HEMK2: variants seen among roughly 807,000 people sequenced by gnomAD.
HEMK2 encodes methyltransferase HEMK2.
the HEMK2 span, among the ~76,000 whole-genome samples, chr21:28,764,827 A>G: frequency 6.6e-6 from 1 of 152,166 alleles, no homozygotes; most frequent in African/African-American, 2.4e-5. Flanking sequence ...TCATAAATGT[A>G]TAATGACAGC....
chr21:28,583,766 T>C, the HEMK2 span, among the ~76,000 whole-genome samples: 1 of 152,212 alleles, frequency 6.6e-6, no homozygotes, highest in Non-Finnish European at 1.5e-5. Context: ...TTTCCCATTG[T>C]TATCATAAAC....
chr21:28,599,452 T>C, the HEMK2 span, among the ~76,000 whole-genome samples: 105 of 152,246 alleles, frequency 6.9e-4, no homozygotes, highest in South Asian at 1.7e-3. Context: ...ATCACTACCA[T>C]GAGAATAGTA....
the HEMK2 span, among the ~76,000 whole-genome samples, chr21:28,855,140 G>A: frequency 2.0e-5 from 3 of 152,024 alleles, no homozygotes; most frequent in African/African-American, 4.8e-5. Flanking sequence ...AATGACACCT[G>A]TAGGCTCAAA....
the HEMK2 span, among the ~76,000 whole-genome samples, chr21:28,807,212 G>A: frequency 0.089 from 13,472 of 152,134 alleles, 883 homozygotes; most frequent in East Asian, 0.3. Flanking sequence ...ACCAAAGCAG[G>A]ACTTTGAATT....
chr21:28,688,790 C>T, the HEMK2 span, among the ~76,000 whole-genome samples: 1 of 151,798 alleles, frequency 6.6e-6, no homozygotes, highest in Non-Finnish European at 1.5e-5. Flanking sequence ...TATAATATGC[C>T]CATATAAACA....
the HEMK2 span, among the ~76,000 whole-genome samples, chr21:28,864,866 GATGGATGATAGGTAGAT>G: frequency 3.4e-5 from 4 of 116,488 alleles, no homozygotes; most frequent in African/African-American, 1.3e-4. Flanking sequence ...TAGATAGATA[GATGGATGATAGGTAGAT>G]ATAGATGATA....
the HEMK2 span, among the ~76,000 whole-genome samples, chr21:28,643,495 T>G: frequency 6.6e-6 from 1 of 151,944 alleles, no homozygotes; most frequent in Non-Finnish European, 1.5e-5. Flanking sequence ...CTGGGCAACA[T>G]AGAAAGACCC....
At chr21:28,627,983 AACC>A in the HEMK2 span, among the ~76,000 whole-genome samples, 250 of 152,262 alleles carry the variant, frequency 1.6e-3, 1 homozygote, top group South Asian at 0.01. Flanking sequence ...AGGGTATTTA[AACC>A]CCAGAAAATT....
the HEMK2 span, among the ~76,000 whole-genome samples, chr21:28,700,574 C>T: frequency 0.026 from 3,921 of 152,190 alleles, 64 homozygotes; most frequent in Non-Finnish European, 0.04. Context: ...CCTGGAAATG[C>T]AACCTTCCAA....
chr21:28,880,759 A>G, the HEMK2 span, among the ~76,000 whole-genome samples: 2 of 149,988 alleles, frequency 1.3e-5, no homozygotes, highest in African/African-American at 5.0e-5. Context: ...AAAAAGAAAG[A>G]AAGAAATTTT....
At chr21:28,627,861 G>T in the HEMK2 span, among the ~76,000 whole-genome samples, 1 of 152,162 alleles carries the variant, frequency 6.6e-6, no homozygotes, top group Admixed American at 6.5e-5. Flanking sequence ...CAACCAATCA[G>T]ACATTTGCAT....
chr21:28,698,314 C>T, the HEMK2 span, among the ~76,000 whole-genome samples: 1 of 152,080 alleles, frequency 6.6e-6, no homozygotes, highest in Admixed American at 6.5e-5. Flanking sequence ...TCAATTTTCT[C>T]ATAAACTGGA....
chr21:28,685,257 T>C, the HEMK2 span, among the ~76,000 whole-genome samples: 1 of 152,208 alleles, frequency 6.6e-6, no homozygotes, highest in South Asian at 2.1e-4. Flanking sequence ...TTTAAGTCTT[T>C]TTCACTATTT....
the HEMK2 span, among the ~76,000 whole-genome samples, chr21:28,607,209 G>A: frequency 6.6e-6 from 1 of 152,142 alleles, no homozygotes; most frequent in East Asian, 1.9e-4. Flanking sequence ...TCAGGAGTTC[G>A]TGACCAGCCT....
chr21:28,694,495 C>T, the HEMK2 span, among the ~76,000 whole-genome samples: 2 of 152,138 alleles, frequency 1.3e-5, no homozygotes, highest in Non-Finnish European at 2.9e-5. Flanking sequence ...GTTCTAAGCC[C>T]TTAATGTGGT....
At chr21:28,765,911 T>C in the HEMK2 span, among the ~76,000 whole-genome samples, 1 of 152,000 alleles carries the variant, frequency 6.6e-6, no homozygotes, top group Non-Finnish European at 1.5e-5. Context: ...CACAATGAGA[T>C]ACCACCATAC....
chr21:28,734,005 A>G, the HEMK2 span, among the ~76,000 whole-genome samples: 1 of 66,416 alleles, frequency 1.5e-5, no homozygotes, highest in African/African-American at 1.2e-4. Flanking sequence ...AGCCATTATC[A>G]TCTTTCCTGA....
the HEMK2 span, among the ~76,000 whole-genome samples, chr21:28,846,954 A>G: frequency 6.6e-6 from 1 of 152,206 alleles, no homozygotes; most frequent in African/African-American, 2.4e-5. Flanking sequence ...TGTTACTGCA[A>G]AGAACATTAT....
the HEMK2 span, among the ~76,000 whole-genome samples, chr21:28,745,850 T>A: frequency 6.6e-6 from 1 of 152,206 alleles, no homozygotes; most frequent in African/African-American, 2.4e-5. Context: ...CAAGAACATG[T>A]GAGCACTTTC....
Sources: gnomAD v4.1 joint callset for allele counts (sites outside exome capture counted in the v4.1 genomes callset) on GRCh38, gnomAD v4.1.1 for gene constraint, MANE v1.5 for transcripts, NCBI Gene and HGNC (gene_info 2026-07-23, HGNC 2026-07-21) for gene names.